Variants in ESCO2 observed in about 807,000 individuals in gnomAD.
The protein encoded by ESCO2 is establishment of sister chromatid cohesion N-acetyltransferase 2.
In ESCO2, 51 loss-of-function variants were observed where a neutral mutation model predicts 61.7. That is an observed-to-expected ratio of 0.83 (90% CI 0.66 to 1.04). The LOEUF (loss-of-function observed/expected upper bound fraction) is 1.04, where lower values mean the gene tolerates loss of function less well. Ranked by LOEUF, ESCO2 falls within the 50% of genes least tolerant of loss-of-function variation. The pLI, the probability that ESCO2 is intolerant of heterozygous loss-of-function variation, is 0.00. For synonymous variants in ESCO2, 230 were observed against 238.2 expected, an observed-to-expected ratio of 0.97 and a Z score of 0.32; for missense variants, 692 against 686.2, an observed-to-expected ratio of 1.01 and a Z score of -0.09.
chr8:27,788,607 C>T (rs1031126428), intron 6 of ESCO2, among the ~76,000 whole-genome samples: 1 of 152,128 alleles, frequency 6.6e-6, no homozygotes, highest in African/African-American at 2.4e-5. Flanking sequence ...GATCCACCCA[C>T]CTCAGCCTCC....
In ESCO2 at chr8:27,788,126, A is replaced by G. The variant is rs140680159; in HGVS notation, c.1131+124A>G. 42 of 708,906 alleles carry G rather than the reference A, an allele frequency of 5.9e-5. 1 individual carries two copies. The East Asian group carries it at 1.0e-3, about 17-fold the overall frequency. 43.9% of individuals were successfully genotyped at this position (708,906 alleles called of 1,614,324 possible). A position where few individuals can be genotyped will look rare whatever the true frequency, so the allele number is the denominator to read the frequency against. ...CATTAAGCAATGTTTTATGTGACAG[A>G]ATGGGAGTTGTAGGTGGTGACATTG... On this transcript the variant is annotated intron_variant, in intron 6 of 10. Transcript: ENST00000305188.
chr8:27,772,583 G>A (rs116538500), upstream of ESCO2: 564 of 1,541,192 alleles, frequency 3.7e-4, 2 homozygotes, highest in African/African-American at 7.1e-3. Context: ...GAGCAGCAGC[G>A]CTCAACTCAC....
rs754477483 is a variant in ESCO2, at chr8:27,792,762, C to G, written c.1448C>G (p.Ser483Cys). ...PNKIKTFLFISDEKRVVGCLI... is the reference protein window; with the variant it reads ...PNKIKTFLFICDEKRVVGCLI... ...AAAATAAAAACTTTTCTTTTTATAT[C>G]TGATGAAAAGAGAGTAGTTGGGTGT... The change falls in exon 9 of 11, where the codon TCT becomes TGT. Residue 483 changes from serine (S) to cysteine (C), a missense_variant. Transcript: ENST00000305188. 7 of 1,610,558 alleles carry G rather than the reference C, an allele frequency of 4.3e-6. No individual in the cohort carries two copies. The highest frequency in any genetic ancestry group is 1.1e-5 in the South Asian group (1 of 90,150).
intron 5 of ESCO2, among the ~76,000 whole-genome samples, chr8:27,786,489 A>G (rs887320991): frequency 6.6e-6 from 1 of 152,256 alleles, no homozygotes; most frequent in Non-Finnish European, 1.5e-5. Context: ...TCAGTTTGCC[A>G]ACAACCTGCA....
At position 27,790,429 on chromosome 8, in the gene ESCO2, C is replaced by T. The variant is rs562649050; in HGVS notation, c.1263+1451C>T. 4.9e-4 allele frequency among the ~76,000 whole-genome samples: 74 copies of T among 152,234 alleles called. 2 individuals carry two copies. The Middle Eastern group carries it at 0.02, about 42-fold the overall frequency. Reference sequence around the variant, plus strand: ...TTCTCCATACCCCTTCCAGAAACCTCGTTCCCCTATCTATAGGCATCCAGC... The same window carrying T: ...TTCTCCATACCCCTTCCAGAAACCTTGTTCCCCTATCTATAGGCATCCAGC... On this transcript the variant is annotated intron_variant, in intron 7 of 10. Transcript: ENST00000305188.
chr8:27,794,943 G>T (rs1438260482), intron 9 of ESCO2, among the ~76,000 whole-genome samples: 1 of 152,070 alleles, frequency 6.6e-6, no homozygotes, highest in East Asian at 1.9e-4. Context: ...GTTTTTTAAT[G>T]CCAGTAGGAG....
intron 5 of ESCO2, among the ~76,000 whole-genome samples, chr8:27,786,755 A>G (rs1357368300): frequency 1.4e-5 from 2 of 147,798 alleles, no homozygotes; most frequent in Non-Finnish European, 3.0e-5. Flanking sequence ...AGCTTGACTT[A>G]GCTTAATGCA....
At chr8:27,789,178 A>C (rs1246422067) in intron 7 of ESCO2, among the ~76,000 whole-genome samples, 200 bp downstream of exon 7, 1 of 152,314 alleles carries the variant, frequency 6.6e-6, no homozygotes, top group African/African-American at 2.4e-5. Flanking sequence ...CAAAATTCAG[A>C]GACTGCAGAG....
intron 3 of ESCO2, chr8:27,777,554 C>G (rs1410848128): frequency 6.2e-6 from 1 of 162,324 alleles, no homozygotes; most frequent in African/African-American, 2.4e-5. Context: ...CCTGCCTCAC[C>G]CTCCCAAATT....
chr8:27,806,620 C>CT (rs398067714), downstream of ESCO2, among the ~76,000 whole-genome samples: 5,524 of 136,092 alleles, frequency 0.041, 149 homozygotes, highest in African/African-American at 0.067. Flanking sequence ...TGGATACTTT[C>CT]TTTTTTTTTT....
intron 5 of ESCO2, among the ~76,000 whole-genome samples, chr8:27,786,411 A>G (rs1331247655): frequency 6.6e-6 from 1 of 152,196 alleles, no homozygotes; most frequent in African/African-American, 2.4e-5. Flanking sequence ...CCTATAGATA[A>G]TCGCAAGAAA....
At chr8:27,812,774 C>T (rs1689814094), downstream of ESCO2, 2 of 152,080 alleles carry the variant, frequency 1.3e-5, no homozygotes, top group South Asian at 2.1e-4. Flanking sequence ...AATGAGATAC[C>T]ATCTCATGCC....
At chr8:27,796,913 G>A (rs1805309227) in intron 9 of ESCO2, among the ~76,000 whole-genome samples, 1 of 152,160 alleles carries the variant, frequency 6.6e-6, no homozygotes, top group Admixed American at 6.6e-5. Flanking sequence ...TTGAGGCTAA[G>A]AGTTCAAGAA....
At chr8:27,817,931 T>C in the ESCO2 span, among the ~76,000 whole-genome samples, 1 of 152,218 alleles carries the variant, frequency 6.6e-6, no homozygotes, top group South Asian at 2.1e-4. Flanking sequence ...TAACCACATG[T>C]AGCTTCTGAG....
At chr8:27,816,860 A>G (rs563820560), downstream of ESCO2, among the ~76,000 whole-genome samples, 147 of 152,166 alleles carry the variant, frequency 9.7e-4, 2 homozygotes, top group South Asian at 5.2e-3. Flanking sequence ...ATTTATGGAT[A>G]TATGGTATTC....
chr8:27,775,930 G>C (rs749063126), intron 2 of ESCO2, among the ~76,000 whole-genome samples: 4 of 152,038 alleles, frequency 2.6e-5, no homozygotes, highest in African/African-American at 9.7e-5. Context: ...GTAGATGCTT[G>C]TCTGGAAACA....
At chr8:27,789,068 A>ATGG in intron 7 of ESCO2, 90 bp downstream of exon 7, 1 of 1,535,052 alleles carries the variant, frequency 6.5e-7, no homozygotes, top group South Asian at 1.2e-5. Flanking sequence ...CAGCCGGAAA[A>ATGG]GTTAACTTTT....
the ESCO2 span, among the ~76,000 whole-genome samples, chr8:27,817,951 T>G: frequency 6.6e-6 from 1 of 152,188 alleles, no homozygotes; most frequent in African/African-American, 2.4e-5. Flanking sequence ...GCACTTGAAT[T>G]GTGGCTAGGG....
In ESCO2 at chr8:27,776,544, C is replaced by A. The variant is rs1368768240; in HGVS notation, c.236C>A (p.Ser79Tyr). 1 of 1,614,136 alleles carries A rather than the reference C, an allele frequency of 6.2e-7. No homozygotes were observed. Among genetic ancestry groups the A allele is most frequent in the Non-Finnish European group, 8.5e-7 (1 of 1,180,018 alleles). The change falls in exon 3 of 11, where the codon TCT (serine) becomes TAT (tyrosine). Residue 79 changes from serine (S) to tyrosine (Y), a missense_variant. By Grantham distance (144) the Ser-to-Tyr change is moderately radical (BLOSUM62 -2). Coordinates refer to ENST00000305188, the MANE Select transcript of ESCO2 (RefSeq NM_001017420.3). ...GCAAATCAAGGCTCACCATTTAAAT[C>A]TGCGCTCTCCACTGTATCTTTTTAC... is the stretch of plus-strand genomic sequence containing the variant. The part of the protein sequence containing the change: ...PSANQGSPFK[S>Y]ALSTVSFYNQ...
Sources: gnomAD v4.1 joint callset for allele counts (sites outside exome capture counted in the v4.1 genomes callset) on GRCh38, gnomAD v4.1.1 for gene constraint, MANE v1.5 for transcripts, NCBI Gene and HGNC (gene_info 2026-07-23, HGNC 2026-07-21) for gene names.